SHTN1: variants seen among roughly 807,000 people sequenced by gnomAD.
SHTN1 encodes the protein shootin-1.
A neutral mutation model predicts 83.1 loss-of-function variants in SHTN1; 42 were observed. The ratio of observed to expected loss-of-function variants is 0.51; its 90% confidence interval spans 0.39 to 0.65. The LOEUF (loss-of-function observed/expected upper bound fraction) is 0.65, where lower values mean the gene tolerates loss of function less well. Among genes scored for constraint, SHTN1 ranks in the 30% least tolerant of loss-of-function variants. The pLI, the probability that SHTN1 is intolerant of heterozygous loss-of-function variation, is 0.00. For missense variants in SHTN1, 622 were observed against 737.8 expected (o/e 0.84, Z 1.82); for synonymous variants, 224 against 247.7 (o/e 0.90, Z 0.90).
chr10:117,003,206 T>C (rs1482564384), intron 1 of SHTN1, among the ~76,000 whole-genome samples: 1 of 151,918 alleles, frequency 6.6e-6, no homozygotes, highest in Non-Finnish European at 1.5e-5. Context: ...AGAATATGAA[T>C]CAAGTTTTAA....
intron 6 of SHTN1, among the ~76,000 whole-genome samples, chr10:116,950,221 G>T (rs1250599993): frequency 6.6e-6 from 1 of 152,138 alleles, no homozygotes; most frequent in Admixed American, 6.5e-5. Context: ...CTGGAGGGTG[G>T]TAATACGATC....
intron 9 of SHTN1, among the ~76,000 whole-genome samples, chr10:116,939,205 C>T (rs753096504): frequency 5.3e-5 from 8 of 152,170 alleles, no homozygotes; most frequent in Non-Finnish European, 8.8e-5. Context: ...CCAGGTGCCA[C>T]TGGAGTATGA....
chr10:116,881,687 G>T lies in SHTN1; in HGVS notation c.*4657C>A, dbSNP rs1260872555. ...CTGGATAGGGCTGTACACACCCCAG[G>T]TTCCAGCCACACCATCAGTATTAGT... On this transcript the variant is annotated 3_prime_UTR_variant, in exon 17 of 17. Coordinates refer to ENST00000355371, the MANE Select transcript of SHTN1 (RefSeq NM_001127211.3). The T allele has an allele frequency of 1.4e-6, 2 of 1,469,398 alleles. No individual in the cohort carries two copies. The highest frequency in any genetic ancestry group is 2.8e-5 in the South Asian group (2 of 70,672). The allele number at this position is 1,469,398 out of a possible 1,614,324, so 91.0% of individuals were successfully genotyped here.
At chr10:116,915,958 G>A in intron 12 of SHTN1, among the ~76,000 whole-genome samples, 1 of 152,172 alleles carries the variant, frequency 6.6e-6, no homozygotes, top group Non-Finnish European at 1.5e-5. Flanking sequence ...GTTGGAATAA[G>A]TCTATAGTCA....
chr10:116,999,577 C>T (rs1338637599), intron 1 of SHTN1, among the ~76,000 whole-genome samples: 6 of 152,186 alleles, frequency 3.9e-5, no homozygotes, highest in African/African-American at 1.4e-4. Context: ...TCACTTTACA[C>T]ACTTGTTTTC....
intron 13 of SHTN1, among the ~76,000 whole-genome samples, chr10:116,914,428 C>T (rs1421446901): frequency 1.3e-5 from 2 of 151,296 alleles, no homozygotes; most frequent in Admixed American, 6.6e-5. Context: ...GCCGAGATTG[C>T]GCCACTGCAC....
chr10:116,993,094 C>A (rs2133518432), intron 1 of SHTN1, among the ~76,000 whole-genome samples: 1 of 142,326 alleles, frequency 7.0e-6, no homozygotes, highest in South Asian at 2.2e-4. Flanking sequence ...TGGCTCACTG[C>A]AACCTCCGCC....
intron 2 of SHTN1, among the ~76,000 whole-genome samples, chr10:117,017,860 C>T (rs10787738): frequency 0.31 from 47,807 of 151,910 alleles, 7,972 homozygotes; most frequent in East Asian, 0.51. Flanking sequence ...ATTGATATGA[C>T]GCAATGAGAA....
At chr10:116,925,102 AG>A (rs1848699179) in intron 11 of SHTN1, among the ~76,000 whole-genome samples, 3 of 152,116 alleles carry the variant, frequency 2.0e-5, no homozygotes, top group African/African-American at 7.2e-5. Flanking sequence ...CCACTGTGAT[AG>A]TTATTTTGTG....
intron 1 of SHTN1, among the ~76,000 whole-genome samples, chr10:116,981,088 G>A (rs188424523): frequency 3.5e-4 from 54 of 152,272 alleles, no homozygotes; most frequent in Non-Finnish European, 6.6e-4. Context: ...GTAGGCCGAG[G>A]TGGGCAGATC....
At chr10:116,926,972 T>C (rs1037027317) in intron 11 of SHTN1, among the ~76,000 whole-genome samples, 3 of 152,220 alleles carry the variant, frequency 2.0e-5, no homozygotes, top group African/African-American at 7.2e-5. Flanking sequence ...CGAATTCCTG[T>C]CTGCATATGT....
chr10:116,911,559 T>C (rs755645119), intron 14 of SHTN1: 1 of 1,550,738 alleles, frequency 6.4e-7, no homozygotes, highest in South Asian at 1.2e-5. Flanking sequence ...ACAATGACTT[T>C]GGTGAAAGTG....
rs372988443 is a variant in SHTN1 at position 116,962,603 on chromosome 10, T to A, written c.173-2373A>T. Among the ~76,000 whole-genome samples, 4 of 152,236 alleles carry A rather than the reference T, an allele frequency of 2.6e-5. No homozygotes were observed. The East Asian group carries it at 7.7e-4, about 29-fold the overall frequency. On this transcript the variant is annotated intron_variant, in intron 3 of 16. Coordinates refer to ENST00000355371, the MANE Select transcript of SHTN1 (RefSeq NM_001127211.3). ...AGTAAGAAAATTCATTCCACAGTAGTGAGGTTTAGGCCTAGCAAATAGGAA... is the reference window on the plus strand; with the variant it reads ...AGTAAGAAAATTCATTCCACAGTAGAGAGGTTTAGGCCTAGCAAATAGGAA...
intron 1 of SHTN1, among the ~76,000 whole-genome samples, chr10:117,126,045 T>C (rs1252579666): frequency 6.6e-6 from 1 of 152,162 alleles, no homozygotes; most frequent in Admixed American, 6.5e-5. Context: ...CTTCCCTCAG[T>C]GCAAGAAGCC....
At chr10:117,115,277 G>A (rs993230452) in intron 1 of SHTN1, among the ~76,000 whole-genome samples, 6 of 152,000 alleles carry the variant, frequency 3.9e-5, no homozygotes, top group African/African-American at 1.2e-4. Flanking sequence ...TCTTACCTTT[G>A]AGCCTCACTT....
chr10:116,960,431 C>T (rs1850145261), intron 3 of SHTN1: 2 of 455,592 alleles, frequency 4.4e-6, no homozygotes, highest in South Asian at 1.0e-4. Flanking sequence ...AAGAACACAA[C>T]AAAATACATT....
chr10:117,005,353 G>T, upstream of SHTN1: 1 of 1,272,716 alleles, frequency 7.9e-7, no homozygotes, highest in Non-Finnish European at 1.0e-6. Context: ...GTCGGCAGCC[G>T]CTATGCCAGC....
chr10:116,981,896 A>G (rs1283577761), intron 1 of SHTN1, among the ~76,000 whole-genome samples: 1 of 152,152 alleles, frequency 6.6e-6, no homozygotes, highest in Non-Finnish European at 1.5e-5. Flanking sequence ...GTCTCTACTA[A>G]AAATACAAAA....
chr10:116,900,970 A>G, intron 16 of SHTN1: 1 of 985,474 alleles, frequency 1.0e-6, no homozygotes, highest in Non-Finnish European at 1.2e-6. Flanking sequence ...TTCACCTTTT[A>G]AGCTAAGACA....
Sources: gnomAD v4.1 joint callset for allele counts (sites outside exome capture counted in the v4.1 genomes callset) on GRCh38, gnomAD v4.1.1 for gene constraint, MANE v1.5 for transcripts, NCBI Gene and HGNC (gene_info 2026-07-23, HGNC 2026-07-21) for gene names.